KCNQ1: variants seen among roughly 807,000 people sequenced by gnomAD.
The protein encoded by KCNQ1 is potassium voltage-gated channel subfamily Q member 1, also known as potassium voltage-gated channel subfamily KQT member 1.
KCNQ1 carries 49 observed loss-of-function variants against 72.4 expected under a neutral mutation model. The observed-to-expected ratio is 0.68, with a 90% CI of 0.54 to 0.86. The LOEUF is 0.86. Among genes scored for constraint, KCNQ1 ranks in the 40% least tolerant of loss-of-function variants. KCNQ1 has a pLI of 0.00. For missense variants in KCNQ1, 790 were observed against 945.1 expected (o/e 0.84, Z 2.15); for synonymous variants, 450 against 412.6 (o/e 1.09, Z -1.10).
chr11:2,492,647 T>C lies in KCNQ1; in HGVS notation c.387-35281T>C, dbSNP rs1197873662. On this transcript the variant is annotated intron_variant, in intron 1 of 15. Transcript: ENST00000155840. The surrounding 1 kb of genome is among the most constrained non-coding windows in gnomAD (Gnocchi z 4.1). Reference sequence around the variant, plus strand: ...TGTTCCTGTGTTAGTTTGCCGAGAATGGTTTCCAGCTTCATCCCCACAAAA... The same window carrying C: ...TGTTCCTGTGTTAGTTTGCCGAGAACGGTTTCCAGCTTCATCCCCACAAAA... 2.0e-5 allele frequency among the ~76,000 whole-genome samples: 3 copies of C among 152,218 alleles called. No homozygotes were observed. The highest frequency in any genetic ancestry group is 4.4e-5 in the Non-Finnish European group (3 of 68,036).
chr11:2,700,085 G>A, intron 11 of KCNQ1: 5 of 397,920 alleles, frequency 1.3e-5, no homozygotes, highest in Non-Finnish European at 2.2e-5. Context: ...AGCAGGGGAA[G>A]GCTTGCGGCG....
intron 10 of KCNQ1, chr11:2,610,716 CTTTTTTTT>C (rs1167505141): frequency 6.7e-4 from 155 of 230,026 alleles, no homozygotes; most frequent in East Asian, 1.5e-3. Flanking sequence ...TCTTGGTTGG[CTTTTTTTT>C]TTTTTTTTTT....
At chr11:2,792,730 G>A (rs1847052641) in intron 15 of KCNQ1, among the ~76,000 whole-genome samples, 1 of 152,218 alleles carries the variant, frequency 6.6e-6, no homozygotes, top group African/African-American at 2.4e-5. Context: ...TGGGGGCGCA[G>A]ACCACCCTGT....
intron 11 of KCNQ1, among the ~76,000 whole-genome samples, chr11:2,705,478 G>C (rs77019607): frequency 2.5e-5 from 3 of 121,208 alleles, no homozygotes; most frequent in South Asian, 2.7e-4. Context: ...TGCCAGGCAC[G>C]GGGGGGTGGG....
Position 2,654,959 on chromosome 11 carries a change from T to C in KCNQ1, c.1394-7002T>C, listed in dbSNP as rs978874658. ...GGAGACTTCCACAAATTATTGTTTC[T>C]TGACTTGGAAAAGTATCATGCAAAA... On this transcript the variant is annotated intron_variant, in intron 10 of 15. Transcript: ENST00000155840. The surrounding 1 kb of genome is among the most constrained non-coding windows in gnomAD (Gnocchi z 6.4). 4 of 398,492 alleles carry C rather than the reference T, an allele frequency of 1.0e-5. No homozygotes were observed. Among genetic ancestry groups the C allele is most frequent in the Admixed American group, 8.8e-5 (2 of 22,722 alleles). 24.7% of individuals were successfully genotyped at this position (398,492 alleles called of 1,614,324 possible).
rs979211461 is a variant in KCNQ1, at chr11:2,664,845, T to C, written c.1514+2764T>C. The C allele has an allele frequency of 1.0e-5, 4 of 398,542 alleles. No homozygotes were observed. Among genetic ancestry groups the C allele is most frequent in the Non-Finnish European group, 1.8e-5 (4 of 226,072 alleles). 24.7% of individuals were successfully genotyped at this position (398,542 alleles called of 1,614,324 possible). A position where few individuals can be genotyped will look rare whatever the true frequency, so the allele number is the denominator to read the frequency against. On this transcript the variant is annotated intron_variant, in intron 11 of 15. Coordinates refer to ENST00000155840, the MANE Select transcript of KCNQ1 (RefSeq NM_000218.3). This position sits in a 1 kb window ranked among gnomAD's most constrained non-coding sequence, Gnocchi z 5.1. The stretch of plus-strand genomic sequence containing the variant: ...TCTACTGATGTTAAATGTATTACCA[T>C]GCTGGGCCAGTTCCAGAATTCAAAT...
chr11:2,824,776 C>G lies in KCNQ1; in HGVS notation c.1795-22991C>G, dbSNP rs540504116. On this transcript the variant is annotated intron_variant, in intron 15 of 15. Coordinates refer to ENST00000155840, the MANE Select transcript of KCNQ1 (RefSeq NM_000218.3). This position sits in a 1 kb window ranked among gnomAD's most constrained non-coding sequence, Gnocchi z 5.9. ...GGACAGCTTTGAGGAAGGAACGTCC[C>G]CTGGGTTCCACACCACAGAGCCATA... is the stretch of plus-strand genomic sequence containing the variant. 1.0e-5 allele frequency among the ~76,000 whole-genome samples: 1 copy of G among 97,562 alleles called. No individual in the cohort carries two copies. The highest frequency in any genetic ancestry group is 2.7e-4 in the East Asian group (1 of 3,640). 64.0% of individuals were successfully genotyped at this position (97,562 alleles called of 152,430 possible).
intron 11 of KCNQ1, among the ~76,000 whole-genome samples, chr11:2,716,612 C>T (rs970033887): frequency 3.3e-5 from 5 of 152,236 alleles, no homozygotes; most frequent in African/African-American, 1.2e-4. Context: ...GGTGGAATTC[C>T]ATTCCCTGCC....
rs745341615 is a variant in KCNQ1, at chr11:2,787,996, G to C, written c.1794+9959G>C. On this transcript the variant is annotated intron_variant, in intron 15 of 15. Coordinates refer to ENST00000155840, the MANE Select transcript of KCNQ1 (RefSeq NM_000218.3). The surrounding 1 kb of genome is among the most constrained non-coding windows in gnomAD (Gnocchi z 6.3). ...TTTGGACGGGCATGGCCGTGCGCGC[G>C]TGTGGGGAGGTGAGTGTGGCTCCCC... Among the ~76,000 whole-genome samples, 1 of 152,208 alleles carries C rather than the reference G, an allele frequency of 6.6e-6. No homozygotes were observed. The highest frequency in any genetic ancestry group is 2.1e-4 in the South Asian group (1 of 4,828).
chr11:2,463,984 C>T lies in KCNQ1; in HGVS notation c.386+18500C>T, dbSNP rs893671727. ...CGGCAGTTGGGTCTGGTTTGATAAC[C>T]GTGGACCGGGGTGACAGGCCCTGAC... On this transcript the variant is annotated intron_variant, in intron 1 of 15. Transcript: ENST00000155840. The surrounding 1 kb of genome is among the most constrained non-coding windows in gnomAD (Gnocchi z 7.0). Among the ~76,000 whole-genome samples, 3 of 152,196 alleles carry T rather than the reference C, an allele frequency of 2.0e-5. No homozygotes were observed. The highest frequency in any genetic ancestry group is 6.5e-5 in the Admixed American group (1 of 15,284).
At chr11:2,708,204 C>G (rs963224811) in intron 11 of KCNQ1, among the ~76,000 whole-genome samples, 2 of 152,206 alleles carry the variant, frequency 1.3e-5, no homozygotes, top group Non-Finnish European at 2.9e-5. Flanking sequence ...GGAGAGAGCT[C>G]CTGAACCCAC....
chr11:2,449,228 C>T (rs896973846), intron 1 of KCNQ1, among the ~76,000 whole-genome samples: 3 of 152,208 alleles, frequency 2.0e-5, no homozygotes, highest in African/African-American at 7.2e-5. Flanking sequence ...AACATTCACC[C>T]GTGCCTGGCA....
rs756784993 is a variant in KCNQ1, at chr11:2,483,420, C to T, written c.386+37936C>T. On this transcript the variant is annotated intron_variant, in intron 1 of 15. Transcript: ENST00000155840. The surrounding 1 kb of genome is among the most constrained non-coding windows in gnomAD (Gnocchi z 6.1). ...AATAACGGGGTGTATTGACCAAAAC[C>T]GACACCTGATACATTACCGTGAACT... 2.6e-5 allele frequency among the ~76,000 whole-genome samples: 4 copies of T among 152,122 alleles called. No individual in the cohort carries two copies. The highest frequency in any genetic ancestry group is 7.2e-5 in the African/African-American group (3 of 41,410).
In KCNQ1 at chr11:2,464,963, C is replaced by T. The variant is rs2133587578; in HGVS notation, c.386+19479C>T. Among the ~76,000 whole-genome samples the T allele has an allele frequency of 6.6e-6, 1 of 152,220 alleles. No individual in the cohort carries two copies. The highest frequency in any genetic ancestry group is 1.9e-4 in the East Asian group (1 of 5,152). On this transcript the variant is annotated intron_variant, in intron 1 of 15. Transcript: ENST00000155840. This position sits in a 1 kb window ranked among gnomAD's most constrained non-coding sequence, Gnocchi z 5.0. The stretch of plus-strand genomic sequence containing the variant: ...CAACTCTGGGCACTGATGGGCTGGT[C>T]CAGTGCAGGGAGCTGCCCCGGCCGC...
chr11:2,496,495 C>CTTTTTTTTTTTTTTGTTTT (rs1846920727), intron 1 of KCNQ1, among the ~76,000 whole-genome samples: 1 of 29,830 alleles, frequency 3.4e-5, no homozygotes, highest in Non-Finnish European at 6.2e-5. Flanking sequence ...ACAACCCCTG[C>CTTTTTTTTTTTTTTGTTTT]TTTTTTTTTT....
chr11:2,508,992 G>C lies in KCNQ1; in HGVS notation c.387-18936G>C, dbSNP rs1189568348. ...GGGGAAGGGGCACAGCCCTGGGCAA[G>C]GGTGTGCAGAGTCTGCATGGGATTT... On this transcript the variant is annotated intron_variant, in intron 1 of 15. Coordinates refer to ENST00000155840, the MANE Select transcript of KCNQ1 (RefSeq NM_000218.3). This position sits in a 1 kb window ranked among gnomAD's most constrained non-coding sequence, Gnocchi z 6.2. Among the ~76,000 whole-genome samples, 1 of 152,246 alleles carries C rather than the reference G, an allele frequency of 6.6e-6. No homozygotes were observed. Among genetic ancestry groups the C allele is most frequent in the Admixed American group, 6.5e-5 (1 of 15,288 alleles).
chr11:2,476,138 T>C (rs1367395193), intron 1 of KCNQ1, among the ~76,000 whole-genome samples: 1 of 152,244 alleles, frequency 6.6e-6, no homozygotes, highest in Non-Finnish European at 1.5e-5. Flanking sequence ...TATCAAACTT[T>C]GTAACTTAAA....
At chr11:2,747,822 G>A (rs891450804) in intron 11 of KCNQ1, among the ~76,000 whole-genome samples, 10 of 152,208 alleles carry the variant, frequency 6.6e-5, no homozygotes, top group African/African-American at 9.6e-5. Context: ...GAAGAGGCAC[G>A]CAGGGTGAGG....
intron 15 of KCNQ1, among the ~76,000 whole-genome samples, chr11:2,797,494 C>T (rs150036761): frequency 2.9e-4 from 44 of 152,328 alleles, no homozygotes; most frequent in African/African-American, 8.4e-4. Context: ...TCCAAAACCC[C>T]GCAGACTCCC....
Sources: allele counts gnomAD v4.1 joint callset (sites outside exome capture counted in the v4.1 genomes callset), GRCh38; gene constraint gnomAD v4.1.1; non-coding constraint Gnocchi (gnomAD v3.1); transcripts MANE v1.5; gene names NCBI Gene and HGNC (gene_info 2026-07-23, HGNC 2026-07-21).